Variants in PCBD1 observed in about 807,000 individuals in gnomAD.
The protein encoded by PCBD1 is pterin-4-alpha-carbinolamine dehydratase.
A neutral mutation model predicts 12.6 loss-of-function variants in PCBD1; 16 were observed. That is an observed-to-expected ratio of 1.27 (90% CI 0.86 to 1.93). The LOEUF (loss-of-function observed/expected upper bound fraction) is 1.93. Among genes scored for constraint, PCBD1 ranks in the 30% most tolerant of loss-of-function variants. PCBD1 has a pLI of 0.00. For missense variants in PCBD1, 86 were observed against 130.1 expected, an observed-to-expected ratio of 0.66 and a Z score of 1.65; for synonymous variants, 53 against 50.2, an observed-to-expected ratio of 1.05 and a Z score of -0.23.
chr10:70,885,905 C>T lies in PCBD1; in HGVS notation c.28G>A (p.Ala10Thr), dbSNP rs750829604. ...GGCAGCAGCTGGTCCCTCTCCTCAGCGCTCAGCCTGTGTGCTTTGCCAGCC... is the reference window on the plus strand; with the variant it reads ...GGCAGCAGCTGGTCCCTCTCCTCAGTGCTCAGCCTGTGTGCTTTGCCAGCC... Reference protein sequence around the residue: MAGKAHRLSAEERDQLLPNL... With the variant: MAGKAHRLSTEERDQLLPNL... The change falls in exon 2 of 4, where the codon GCT (alanine) becomes ACT (threonine). Residue 10 changes from alanine (A) to threonine (T), a missense_variant. Ala to Thr is a moderately conservative substitution (Grantham distance 58, BLOSUM62 0). Coordinates refer to ENST00000299299, the MANE Select transcript of PCBD1 (RefSeq NM_000281.4). 2.9e-5 allele frequency: 47 copies of T among 1,613,840 alleles called. No individual in the cohort carries two copies. In the Middle Eastern group the frequency reaches 4.9e-4, roughly 17 times the overall value.
intron 1 of PCBD1, chr10:70,888,053 G>C (rs1204768587): frequency 6.5e-6 from 1 of 152,942 alleles, no homozygotes; most frequent in Admixed American, 6.5e-5. Flanking sequence ...CCAGCATACC[G>C]GCGCAGAGCG....
At chr10:70,888,372 C>T (rs1240925271) in intron 1 of PCBD1, 159 bp downstream of exon 1, 8 of 747,306 alleles carry the variant, frequency 1.1e-5, no homozygotes, top group African/African-American at 3.8e-5. Flanking sequence ...CCCCTCCCCG[C>T]CGCCAGCGAC....
At chr10:70,884,704 G>A (rs185292744) in intron 3 of PCBD1, among the ~76,000 whole-genome samples, 9 of 152,106 alleles carry the variant, frequency 5.9e-5, no homozygotes, top group East Asian at 1.9e-4. Context: ...GGAGGGTCTT[G>A]ATCTCCTGAC....
At chr10:70,888,394 C>A in intron 1 of PCBD1, 137 bp downstream of exon 1, 1 of 984,244 alleles carries the variant, frequency 1.0e-6, no homozygotes. Context: ...GAGAGCCGGG[C>A]AGAGACCCCA....
chr10:70,887,838 C>A, intron 1 of PCBD1: 1 of 152,504 alleles, frequency 6.6e-6, no homozygotes. Flanking sequence ...TATCAAAAGG[C>A]CCTCCCAGTC....
chr10:70,884,672 CAG>C (rs1193122401), intron 3 of PCBD1, among the ~76,000 whole-genome samples: 1 of 152,000 alleles, frequency 6.6e-6, no homozygotes, highest in Admixed American at 6.6e-5. Flanking sequence ...TTAGTAGAGA[CAG>C]GGTTTCACCA....
At chr10:70,884,098 G>C in intron 3 of PCBD1, 50 bp from the exon 4 acceptor site, 1 of 1,586,304 alleles carries the variant, frequency 6.3e-7, no homozygotes, top group Non-Finnish European at 8.6e-7. Flanking sequence ...TTAAGAACAG[G>C]AGGGAGTCAC....
downstream of PCBD1, among the ~76,000 whole-genome samples, chr10:70,883,155 C>T (rs932765079): frequency 8.5e-5 from 13 of 152,218 alleles, no homozygotes; most frequent in Non-Finnish European, 1.5e-4. Context: ...AAGAATCCTA[C>T]CCAGGTCTTC....
chr10:70,883,843 G>C lies in PCBD1; in HGVS notation c.*107C>G. The C allele has an allele frequency of 6.5e-7, 1 of 1,544,300 alleles. No individual in the cohort carries two copies. The highest frequency in any genetic ancestry group is 2.4e-5 in the East Asian group (1 of 40,888). On this transcript the variant is annotated 3_prime_UTR_variant, in exon 4 of 4. Coordinates refer to ENST00000299299, the MANE Select transcript of PCBD1 (RefSeq NM_000281.4). ...CTCAGCCCTCAACGGCGGCGGCTGGGTCTTGGGAGGGGAGTGGTGGGAGGG... is the reference window on the plus strand; with the variant it reads ...CTCAGCCCTCAACGGCGGCGGCTGGCTCTTGGGAGGGGAGTGGTGGGAGGG...
chr10:70,885,894 C>T lies in PCBD1; in HGVS notation c.39G>A (p.Arg13=). The change falls in exon 2 of 4, where the codon AGG becomes AGA. Residue 13 remains arginine (R), a synonymous_variant. Transcript: ENST00000299299. The stretch of plus-strand genomic sequence containing the variant: ...CCCTCAGGTTTGGCAGCAGCTGGTC[C>T]CTCTCCTCAGCGCTCAGCCTGTGTG... ...GKAHRLSAEE[R]DQLLPNLRAV... 2 of 1,614,048 alleles carry T rather than the reference C, an allele frequency of 1.2e-6. No individual in the cohort carries two copies. The highest frequency in any genetic ancestry group is 1.7e-6 in the Non-Finnish European group (2 of 1,179,982).
intron 3 of PCBD1, 115 bp downstream of exon 3, chr10:70,885,037 G>T: frequency 2.4e-6 from 2 of 826,396 alleles, no homozygotes; most frequent in Non-Finnish European, 4.3e-6. Flanking sequence ...GAGATGAGTG[G>T]ATGACCTATG....
At chr10:70,884,162 G>A (rs1019647883) in intron 3 of PCBD1, 114 bp from the exon 4 acceptor site, 14 of 1,014,192 alleles carry the variant, frequency 1.4e-5, no homozygotes, top group African/African-American at 3.2e-5. Context: ...TGGCCAGTAC[G>A]ATCTCTCCTG....
At chr10:70,885,776 C>A in intron 2 of PCBD1, 22 bp downstream of exon 2, 1 of 1,613,774 alleles carries the variant, frequency 6.2e-7, no homozygotes, top group Non-Finnish European at 8.5e-7. Context: ...TCAGAAAACT[C>A]TGTCCCACCC....
rs1846535552 is a variant in PCBD1 at position 70,883,837 on chromosome 10, G to A, written c.*113C>T. The A allele has an allele frequency of 1.0e-5, 16 of 1,540,246 alleles. 1 individual carries two copies. The highest frequency in any genetic ancestry group is 8.4e-5 in the South Asian group (7 of 83,570). ...CAAGGACTCAGCCCTCAACGGCGGC[G>A]GCTGGGTCTTGGGAGGGGAGTGGTG... On this transcript the variant is annotated 3_prime_UTR_variant, in exon 4 of 4. Transcript: ENST00000299299.
rs1258010673 is a variant in PCBD1 at position 70,884,027 on chromosome 10, G to A, written c.238C>T (p.His80Tyr). 6.2e-7 allele frequency: 1 copy of A among 1,613,980 alleles called. No individual in the cohort carries two copies. The highest frequency in any genetic ancestry group is 2.2e-5 in the East Asian group (1 of 44,900). ...YNKVHITLST[H>Y]ECAGLSERDI... is the part of the protein sequence containing the mutation. ...CGTTCTGAAAGGCCGGCACACTCATGGGTGCTCAGCGTGATGTGGACCTGA... is the reference window on the plus strand; with the variant it reads ...CGTTCTGAAAGGCCGGCACACTCATAGGTGCTCAGCGTGATGTGGACCTGA... The change falls in exon 4 of 4, where the codon CAT becomes TAT. Residue 80 changes from histidine to tyrosine, a missense_variant. By Grantham distance (83) the His-to-Tyr change is moderately conservative. Coordinates refer to ENST00000299299, the MANE Select transcript of PCBD1 (RefSeq NM_000281.4).
At position 70,885,329 on chromosome 10, in the gene PCBD1, T is replaced by TC. The variant is rs972140084; in HGVS notation, c.136-98dup. The TC allele has an allele frequency of 9.2e-6, 8 of 873,196 alleles. No homozygotes were observed. The African/African-American group carries it at 1.2e-4, about 13-fold the overall frequency. 54.1% of individuals were successfully genotyped at this position (873,196 alleles called of 1,614,324 possible). A position where few individuals can be genotyped will look rare whatever the true frequency, so the allele number is the denominator to read the frequency against. ...CTAGACGCAGGAGGATGAATTAGCT[T>TC]CCCCCCAGGAGACTCCTCTATAATC... On this transcript the variant is annotated intron_variant, in intron 2 of 3. Coordinates refer to ENST00000299299, the MANE Select transcript of PCBD1 (RefSeq NM_000281.4).
rs1027870235 is a variant in PCBD1 at position 70,885,310 on chromosome 10, G to A, written c.136-78C>T. ...GACATCACCAATTCAAGGCCTAGAC[G>A]CAGGAGGATGAATTAGCTTCCCCCC... On this transcript the variant is annotated intron_variant, in intron 2 of 3. Transcript: ENST00000299299. The A allele has an allele frequency of 3.7e-5, 39 of 1,056,588 alleles. No homozygotes were observed. The African/African-American group carries it at 5.0e-4, about 14-fold the overall frequency. 65.5% of individuals were successfully genotyped at this position (1,056,588 alleles called of 1,614,324 possible). A position where few individuals can be genotyped will look rare whatever the true frequency, so the allele number is the denominator to read the frequency against.
At position 70,883,657 on chromosome 10, in the gene PCBD1, G is replaced by A. The variant is rs987711428; in HGVS notation, c.*293C>T. On this transcript the variant is annotated 3_prime_UTR_variant, in exon 4 of 4. Transcript: ENST00000299299. ...GGAAATGAATTAGGGAGCAAGAGAC[G>A]GCCTGGCAAGAAAATCATTATTGTT... 23 of 1,285,400 alleles carry A rather than the reference G, an allele frequency of 1.8e-5. No homozygotes were observed. Among genetic ancestry groups the A allele is most frequent in the Middle Eastern group, 3.1e-4 (1 of 3,184 alleles). The allele number at this position is 1,285,400 out of a possible 1,614,324, so 79.6% of individuals were successfully genotyped here.
At chr10:70,887,373 C>A (rs1480077243) in intron 1 of PCBD1, among the ~76,000 whole-genome samples, 1 of 152,124 alleles carries the variant, frequency 6.6e-6, no homozygotes, top group East Asian at 1.9e-4. Context: ...TAGCTTGGCC[C>A]CTCTCTTCCC....
Sources: gnomAD v4.1 joint callset for allele counts (sites outside exome capture counted in the v4.1 genomes callset) on GRCh38, gnomAD v4.1.1 for gene constraint, MANE v1.5 for transcripts, NCBI Gene and HGNC (gene_info 2026-07-23, HGNC 2026-07-21) for gene names.